The following SLC39A11 variants were observed in gnomAD, a reference collection of about 807,000 sequenced individuals.
SLC39A11 encodes the protein zinc transporter ZIP11.
In SLC39A11, 33 loss-of-function variants were observed where a neutral mutation model predicts 36.1. The ratio of observed to expected loss-of-function variants is 0.91; its 90% CI spans 0.69 to 1.22. The LOEUF (loss-of-function observed/expected upper bound fraction) is 1.22. SLC39A11 is among the 50% of genes most tolerant of loss of function. The pLI is 0.00. For synonymous variants in SLC39A11, 166 were observed against 170.3 expected, an observed-to-expected ratio of 0.97 and a Z score of 0.20; for missense variants, 432 against 430.3, an observed-to-expected ratio of 1.00 and a Z score of -0.03.
rs74564750 is a variant in SLC39A11 at position 72,872,289 on chromosome 17, G to A, written c.431-22485C>T. Among the ~76,000 whole-genome samples, 1,380 of 152,152 alleles carry A rather than the reference G, an allele frequency of 9.1e-3. 13 individuals are homozygous for A. The highest frequency in any genetic ancestry group is 0.03 in the African/African-American group (1,246 of 41,510). On this transcript the variant is annotated intron_variant, in intron 5 of 9. Transcript: ENST00000255559. Reference sequence around the variant, plus strand: ...ACAGCGCATCCACATCCTCACACATGGGAAACCCTAGGATACAGCTGAGCT... The same window carrying A: ...ACAGCGCATCCACATCCTCACACATAGGAAACCCTAGGATACAGCTGAGCT...
intron 6 of SLC39A11, among the ~76,000 whole-genome samples, chr17:72,819,654 T>C (rs1011347292): frequency 2.0e-5 from 3 of 151,124 alleles, no homozygotes; most frequent in African/African-American, 7.3e-5. Context: ...AAACAGCCTA[T>C]GACAATAACA....
chr17:72,809,677 T>G (rs900577371), intron 6 of SLC39A11, among the ~76,000 whole-genome samples: 1 of 152,196 alleles, frequency 6.6e-6, no homozygotes, highest in Non-Finnish European at 1.5e-5. Context: ...AACGGTATTT[T>G]AGGAAGCAGC....
intron 5 of SLC39A11, among the ~76,000 whole-genome samples, chr17:72,874,114 C>T (rs771161919): frequency 3.9e-5 from 6 of 152,090 alleles, no homozygotes; most frequent in African/African-American, 7.2e-5. Flanking sequence ...GCGTGAGAAC[C>T]GACTAATATA....
At chr17:72,875,743 A>G (rs1313041417) in intron 5 of SLC39A11, among the ~76,000 whole-genome samples, 2 of 152,122 alleles carry the variant, frequency 1.3e-5, no homozygotes, top group East Asian at 1.9e-4. Context: ...AGCACTTTCA[A>G]TGCTTACTGT....
At position 73,084,842 on chromosome 17, in the gene SLC39A11, C is replaced by T. The variant is rs78761885; in HGVS notation, c.113G>A (p.Arg38Gln). The T allele has an allele frequency of 1.6e-3, 2,583 of 1,614,028 alleles. 33 individuals carry two copies. In the African/African-American group the frequency reaches 0.03, roughly 19 times the overall value. Reference protein sequence around the residue: ...LVFVFSSGQRRILDGSLGFAA... With the variant: ...LVFVFSSGQRQILDGSLGFAA... ...AAAGCCAAGACTTCCATCTAAGATC[C>T]GCCTCTGAAAATCAAAACAAGATGT... Residue 38 changes from arginine (R) to glutamine (Q), a missense_variant, in exon 3 of 10, where the codon CGG becomes CAG. Coordinates refer to ENST00000255559, the MANE Select transcript of SLC39A11 (RefSeq NM_139177.4).
chr17:72,867,162 T>C (rs528306959), intron 5 of SLC39A11, among the ~76,000 whole-genome samples: 34 of 152,120 alleles, frequency 2.2e-4, no homozygotes, highest in Non-Finnish European at 3.5e-4. Flanking sequence ...GAGATGCAGA[T>C]TAATTTTAAA....
chr17:72,869,366 G>A (rs1567855626), intron 5 of SLC39A11, among the ~76,000 whole-genome samples: 1 of 152,164 alleles, frequency 6.6e-6, no homozygotes, highest in Non-Finnish European at 1.5e-5. Context: ...GAATAAGTGG[G>A]AAATGCATTT....
At chr17:72,766,545 T>C (rs2144631070) in intron 6 of SLC39A11, among the ~76,000 whole-genome samples, 1 of 152,294 alleles carries the variant, frequency 6.6e-6, no homozygotes, top group South Asian at 2.1e-4. Flanking sequence ...CCCTCCAGCC[T>C]TGGGGCCCTA....
At position 72,995,246 on chromosome 17, in the gene SLC39A11, C is replaced by T. The variant is rs370625676; in HGVS notation, c.306+36310G>A. ...CCTTGGGCTTGGCCATGTGATTTGC[C>T]TTTCATCCAAATAGATGTGCAAGTG... On this transcript the variant is annotated intron_variant, in intron 4 of 9. Transcript: ENST00000255559. Among the ~76,000 whole-genome samples, 6 of 152,246 alleles carry T rather than the reference C, an allele frequency of 3.9e-5. No individual in the cohort carries two copies. The East Asian group carries it at 7.7e-4, about 20-fold the overall frequency.
chr17:73,088,186 C>A (rs968691689), intron 2 of SLC39A11, among the ~76,000 whole-genome samples: 1 of 151,800 alleles, frequency 6.6e-6, no homozygotes, highest in African/African-American at 2.4e-5. Context: ...CCCAGCTACT[C>A]TGGAGGCTGA....
rs150268894 is a variant in SLC39A11, at chr17:72,792,637, C to T, written c.602-55918G>A. ...TTAAATCACAGTTCTATCCTGTCTC[C>T]CACTGTCTTTAATCAAGGCACACTG... On this transcript the variant is annotated intron_variant, in intron 6 of 9. Coordinates refer to ENST00000255559, the MANE Select transcript of SLC39A11 (RefSeq NM_139177.4). 3.3e-5 allele frequency among the ~76,000 whole-genome samples: 5 copies of T among 152,246 alleles called. 1 individual carries two copies. In the East Asian group the frequency reaches 9.7e-4, roughly 29 times the overall value.
chr17:72,779,053 T>G (rs1045398221), intron 6 of SLC39A11, among the ~76,000 whole-genome samples: 1 of 152,202 alleles, frequency 6.6e-6, no homozygotes, highest in African/African-American at 2.4e-5. Context: ...ACCCACTTTT[T>G]GGGGCAAGGA....
chr17:72,877,834 T>TATTATA (rs2080991797), intron 5 of SLC39A11, among the ~76,000 whole-genome samples: 1 of 151,636 alleles, frequency 6.6e-6, no homozygotes, highest in Non-Finnish European at 1.5e-5. Flanking sequence ...TTATTATTAT[T>TATTATA]ATACTTTAAG....
chr17:73,087,434 C>T (rs780315398), intron 2 of SLC39A11, among the ~76,000 whole-genome samples: 5 of 152,168 alleles, frequency 3.3e-5, no homozygotes, highest in African/African-American at 1.2e-4. Flanking sequence ...TCTTAAGTCA[C>T]TTATTCATTT....
intron 5 of SLC39A11, among the ~76,000 whole-genome samples, chr17:72,877,959 T>C (rs1200114228): frequency 1.4e-5 from 2 of 139,914 alleles, no homozygotes; most frequent in Non-Finnish European, 1.6e-5. Context: ...CCTAATGCTA[T>C]CCCTCCTCCC....
intron 5 of SLC39A11, among the ~76,000 whole-genome samples, chr17:72,851,917 T>C (rs189152646): frequency 2.6e-4 from 40 of 152,206 alleles, no homozygotes; most frequent in Middle Eastern, 3.4e-3. Context: ...GAAAATCATT[T>C]TGTGGCCAGG....
At position 72,883,975 on chromosome 17, in the gene SLC39A11, C is replaced by A. The variant is rs556527518; in HGVS notation, c.431-34171G>T. On this transcript the variant is annotated intron_variant, in intron 5 of 9. Transcript: ENST00000255559. Reference sequence around the variant, plus strand: ...TTCCAGACCAGCCTGGAAAACATGGCAAAACTCTGTCTCTACAAAAAATAC... The same window carrying A: ...TTCCAGACCAGCCTGGAAAACATGGAAAAACTCTGTCTCTACAAAAAATAC... Among the ~76,000 whole-genome samples, 14 of 152,134 alleles carry A rather than the reference C, an allele frequency of 9.2e-5. No homozygotes were observed. The South Asian group carries it at 2.9e-3, about 32-fold the overall frequency.
At chr17:72,750,438 G>A (rs1368784831) in intron 6 of SLC39A11, among the ~76,000 whole-genome samples, 1 of 135,448 alleles carries the variant, frequency 7.4e-6, no homozygotes, top group Non-Finnish European at 1.6e-5. Flanking sequence ...GGGGTGGGGG[G>A]TGGGGAGGAC....
chr17:72,795,354 T>C (rs530098499), intron 6 of SLC39A11, among the ~76,000 whole-genome samples: 3 of 152,150 alleles, frequency 2.0e-5, no homozygotes, highest in Admixed American at 6.5e-5. Flanking sequence ...CTTGGCATCA[T>C]AGGTTTGCCT....
Sources: gnomAD v4.1 joint callset for allele counts (sites outside exome capture counted in the v4.1 genomes callset) on GRCh38, gnomAD v4.1.1 for gene constraint, MANE v1.5 for transcripts, NCBI Gene and HGNC (gene_info 2026-07-23, HGNC 2026-07-21) for gene names.